PRKN: variants seen among roughly 807,000 people sequenced by gnomAD.
PRKN encodes E3 ubiquitin-protein ligase parkin.
PRKN carries 56 observed loss-of-function variants against 59.5 expected under a neutral mutation model. That is an observed-to-expected ratio of 0.94 (90% confidence interval 0.76 to 1.18). The LOEUF is 1.18. PRKN is among the 50% of genes most tolerant of loss of function. PRKN has a pLI of 0.00. For synonymous variants in PRKN, 250 were observed against 222.1 expected (o/e 1.13, Z -1.12); for missense variants, 657 against 596.4 (o/e 1.10, Z -1.06).
Position 162,048,491 on chromosome 6 carries a change from C to T in PRKN, c.618+5600G>A, listed in dbSNP as rs565761680. On this transcript the variant is annotated intron_variant, in intron 5 of 11. Transcript: ENST00000366898. Reference sequence around the variant, plus strand: ...GACCTCAGTGTTACGAGTTAGGATTCGGAACTCAGAAATAATGCTCAGGCA... The same window carrying T: ...GACCTCAGTGTTACGAGTTAGGATTTGGAACTCAGAAATAATGCTCAGGCA... Among the ~76,000 whole-genome samples, 196 of 151,918 alleles carry T rather than the reference C, an allele frequency of 1.3e-3. 2 individuals are homozygous for T. The highest frequency in any genetic ancestry group is 4.5e-3 in the African/African-American group (187 of 41,418).
At chr6:162,123,040 GC>G (rs949731727) in intron 4 of PRKN, among the ~76,000 whole-genome samples, 2 of 151,054 alleles carry the variant, frequency 1.3e-5, no homozygotes, top group African/African-American at 4.9e-5. Flanking sequence ...ACTGGTACTT[GC>G]CCATTTTGAG....
In PRKN at chr6:161,462,637, A is replaced by T. The variant is rs139605818; in HGVS notation, c.1084-75760T>A. 6.6e-6 allele frequency among the ~76,000 whole-genome samples: 1 copy of T among 152,304 alleles called. No individual in the cohort carries two copies. Among genetic ancestry groups the T allele is most frequent in the Non-Finnish European group, 1.5e-5 (1 of 68,026 alleles). ...AATGTCTCCCCAGGGTGATCATATT[A>T]AAAAAATCAAAATTTAATATGTCAT... On this transcript the variant is annotated intron_variant, in intron 9 of 11. Coordinates refer to ENST00000366898, the MANE Select transcript of PRKN (RefSeq NM_004562.3). This position sits in a 1 kb window ranked among gnomAD's most constrained non-coding sequence, Gnocchi z 4.5.
chr6:162,577,910 T>C (rs967197907), intron 1 of PRKN, among the ~76,000 whole-genome samples: 69 of 152,226 alleles, frequency 4.5e-4, no homozygotes, highest in East Asian at 2.7e-3. Context: ...GCCCAGGCAA[T>C]AGAGTGAGAC....
intron 6 of PRKN, among the ~76,000 whole-genome samples, chr6:161,868,845 C>A (rs1794227564): frequency 6.6e-6 from 1 of 152,174 alleles, no homozygotes; most frequent in Non-Finnish European, 1.5e-5. Flanking sequence ...AAGCACTTGT[C>A]AGGATGAGGC....
intron 6 of PRKN, among the ~76,000 whole-genome samples, chr6:161,889,834 C>T (rs1054153384): frequency 2.6e-5 from 4 of 152,108 alleles, no homozygotes; most frequent in Non-Finnish European, 5.9e-5. Context: ...GAATATAGGG[C>T]TAATGAAAAT....
intron 6 of PRKN, among the ~76,000 whole-genome samples, chr6:161,968,754 T>A (rs1219795858): frequency 6.6e-6 from 1 of 152,134 alleles, no homozygotes; most frequent in East Asian, 1.9e-4. Context: ...ATGAATTTGA[T>A]TTATCTCCAG....
intron 9 of PRKN, among the ~76,000 whole-genome samples, chr6:161,398,849 G>T (rs1437614873): frequency 6.6e-6 from 1 of 152,134 alleles, no homozygotes; most frequent in East Asian, 1.9e-4. Flanking sequence ...AGATGAGGAG[G>T]TTACAGACAG....
At chr6:161,671,737 T>C (rs1272054572) in intron 7 of PRKN, among the ~76,000 whole-genome samples, 1 of 152,196 alleles carries the variant, frequency 6.6e-6, no homozygotes, top group Non-Finnish European at 1.5e-5. Context: ...TTCCAGAGCA[T>C]GTAATCATAA....
chr6:162,666,277 T>C (rs1384169581), intron 1 of PRKN, among the ~76,000 whole-genome samples: 2 of 152,140 alleles, frequency 1.3e-5, no homozygotes, highest in African/African-American at 2.4e-5. Context: ...TATAATGGTA[T>C]ATAAATAACA....
intron 3 of PRKN, among the ~76,000 whole-genome samples, chr6:162,261,909 G>A (rs1298061521): frequency 6.6e-6 from 1 of 152,108 alleles, no homozygotes; most frequent in Admixed American, 6.6e-5. Context: ...TTCTGACACT[G>A]TGAAGGCCAT....
chr6:161,939,068 G>C (rs1779457419), intron 6 of PRKN, among the ~76,000 whole-genome samples: 1 of 152,060 alleles, frequency 6.6e-6, no homozygotes, highest in African/African-American at 2.4e-5. Flanking sequence ...ATTTTGAAAA[G>C]GAAAAACTAA....
intron 2 of PRKN, among the ~76,000 whole-genome samples, chr6:162,359,314 C>G (rs985130084): frequency 4.0e-5 from 6 of 151,566 alleles, no homozygotes; most frequent in African/African-American, 1.5e-4. Flanking sequence ...GAATTTAGCT[C>G]CATGAATGTT....
At chr6:161,850,448 C>T (rs557595565) in intron 6 of PRKN, among the ~76,000 whole-genome samples, 41 of 151,844 alleles carry the variant, frequency 2.7e-4, no homozygotes, top group Admixed American at 1.4e-3. Flanking sequence ...TGTGGTGGCG[C>T]GGCTGTAGTC....
chr6:162,452,424 TG>T (rs58435708), intron 1 of PRKN, among the ~76,000 whole-genome samples: 52,498 of 151,864 alleles, frequency 0.35, 9,273 homozygotes, highest in East Asian at 0.57. Context: ...TTCTATTCCA[TG>T]GGGAGTTTAG....
intron 4 of PRKN, among the ~76,000 whole-genome samples, chr6:162,145,620 A>AGTGGGTG (rs372700137): frequency 4.7e-4 from 72 of 152,298 alleles, no homozygotes; most frequent in African/African-American, 1.5e-3. Context: ...ACAGTGTGGG[A>AGTGGGTG]GTGGGTGAAG....
intron 7 of PRKN, among the ~76,000 whole-genome samples, chr6:161,585,173 C>A (rs187549598): frequency 5.3e-5 from 8 of 152,346 alleles, no homozygotes; most frequent in Admixed American, 1.3e-4. Context: ...CTAACATTCT[C>A]TTTCTGAAGC....
At chr6:162,370,239 G>C (rs569465112) in intron 2 of PRKN, among the ~76,000 whole-genome samples, 67 of 152,248 alleles carry the variant, frequency 4.4e-4, no homozygotes, top group African/African-American at 1.6e-3. Flanking sequence ...TTTGTGACAA[G>C]GTGGGATCAC....
intron 7 of PRKN, among the ~76,000 whole-genome samples, chr6:161,782,104 G>A (rs960606293): frequency 6.6e-6 from 1 of 152,116 alleles, no homozygotes; most frequent in African/African-American, 2.4e-5. Context: ...ATGAAAATAC[G>A]GGTGCACACA....
At chr6:161,759,227 C>T (rs1299979099) in intron 7 of PRKN, among the ~76,000 whole-genome samples, 1 of 151,672 alleles carries the variant, frequency 6.6e-6, no homozygotes, top group Non-Finnish European at 1.5e-5. Context: ...TCAAAGACAT[C>T]AAAATTCCTT....
Sources: allele counts gnomAD v4.1 joint callset (sites outside exome capture counted in the v4.1 genomes callset), GRCh38; gene constraint gnomAD v4.1.1; non-coding constraint Gnocchi (gnomAD v3.1); transcripts MANE v1.5; gene names NCBI Gene and HGNC (gene_info 2026-07-23, HGNC 2026-07-21).